ITGA1: variants seen among roughly 807,000 people sequenced by gnomAD.
ITGA1 encodes integrin subunit alpha 1.
Under a neutral mutation model 145.9 loss-of-function variants are expected in ITGA1, and 85 were observed. The observed-to-expected ratio is 0.58, with a 90% CI of 0.49 to 0.70. The LOEUF (loss-of-function observed/expected upper bound fraction) is 0.70, where lower values mean the gene tolerates loss of function less well. ITGA1 is among the 30% of genes least tolerant of loss of function. The pLI, the probability that ITGA1 is intolerant of heterozygous loss-of-function variation, is 0.00. For missense variants in ITGA1, 1,351 were observed against 1,418.7 expected, an observed-to-expected ratio of 0.95 and a Z score of 0.77; for synonymous variants, 520 against 495.3, an observed-to-expected ratio of 1.05 and a Z score of -0.66.
intron 2 of ITGA1, among the ~76,000 whole-genome samples, chr5:52,853,519 G>A (rs372949416): frequency 3.4e-4 from 51 of 152,142 alleles, no homozygotes; most frequent in African/African-American, 1.1e-3. Flanking sequence ...CCCATCTTAC[G>A]TCGTGACTAT....
intron 19 of ITGA1, among the ~76,000 whole-genome samples, chr5:52,925,852 T>G (rs994009611): frequency 6.6e-6 from 1 of 152,086 alleles, no homozygotes; most frequent in African/African-American, 2.4e-5. Context: ...CAAAAAAAAT[T>G]TACCTGCAGG....
At chr5:52,863,241 T>A (rs1177753967) in intron 3 of ITGA1, among the ~76,000 whole-genome samples, 1 of 152,248 alleles carries the variant, frequency 6.6e-6, no homozygotes, top group African/African-American at 2.4e-5. Flanking sequence ...TCAGCTGGGC[T>A]ATTTGAAATA....
chr5:52,791,098 C>T (rs995558419), intron 1 of ITGA1, among the ~76,000 whole-genome samples: 6 of 152,140 alleles, frequency 3.9e-5, no homozygotes, highest in African/African-American at 7.2e-5. Flanking sequence ...CTCCTTACAA[C>T]GTTTACTAAA....
chr5:52,907,557 G>A (rs920446054), intron 12 of ITGA1, among the ~76,000 whole-genome samples: 1 of 152,144 alleles, frequency 6.6e-6, no homozygotes. Context: ...AAAGAAAGGT[G>A]GCTCCATGAT....
chr5:52,911,886 T>G (rs903762462), intron 14 of ITGA1, among the ~76,000 whole-genome samples: 8 of 130,316 alleles, frequency 6.1e-5, no homozygotes, highest in African/African-American at 8.4e-5. Context: ...ATACACTATA[T>G]ATAGCATATC....
intron 1 of ITGA1, chr5:52,825,051 T>C (rs1748938855): frequency 6.6e-6 from 1 of 152,226 alleles, no homozygotes; most frequent in Non-Finnish European, 1.5e-5. Flanking sequence ...CCACTGTCTG[T>C]TTCAGAACTT....
intron 7 of ITGA1, chr5:52,883,005 T>G (rs962596981): frequency 2.6e-5 from 4 of 152,200 alleles, no homozygotes; most frequent in Admixed American, 2.6e-4. Flanking sequence ...TATAATTTCA[T>G]GTACAGCTTT....
At chr5:52,873,041 G>C (rs1199573393) in intron 6 of ITGA1, among the ~76,000 whole-genome samples, 7 of 152,156 alleles carry the variant, frequency 4.6e-5, no homozygotes, top group African/African-American at 1.7e-4. Flanking sequence ...AGATAGTCTA[G>C]GGTTTTATGT....
At chr5:52,912,546 TA>T (rs1750576768) in intron 14 of ITGA1, among the ~76,000 whole-genome samples, 1 of 136,058 alleles carries the variant, frequency 7.3e-6, no homozygotes, top group African/African-American at 2.7e-5. Context: ...AGGTATTATA[TA>T]TAGTGTATCC....
intron 13 of ITGA1, 142 bp downstream of exon 13, chr5:52,909,183 A>G: frequency 1.3e-6 from 1 of 779,572 alleles, no homozygotes; most frequent in Admixed American, 3.0e-5. Flanking sequence ...CCAACCCCTC[A>G]GTTTTGAAAT....
In ITGA1 at chr5:52,860,415, G is replaced by A. The variant is rs551989734; in HGVS notation, c.183-1032G>A. 8.5e-5 allele frequency among the ~76,000 whole-genome samples: 13 copies of A among 152,114 alleles called. No individual in the cohort carries two copies. The South Asian group carries it at 1.0e-3, about 12-fold the overall frequency. ...ACAAAAATTAGTCGGGCGTGGTGGC[G>A]TGCACCTGTAGTCCCAGCTACTTGG... On this transcript the variant is annotated intron_variant, in intron 2 of 28. Transcript: ENST00000282588.
Position 52,953,322 on chromosome 5 carries a change from G to A in ITGA1, c.*871G>A, listed in dbSNP as rs146022960. On this transcript the variant is annotated 3_prime_UTR_variant, in exon 29 of 29. Transcript: ENST00000282588. ...ATGAAATACGACAGCAGAGAAAGAT[G>A]CCACTGAAATGCTGAAATTATCTTT... is the stretch of plus-strand genomic sequence containing the variant. 2.9e-4 allele frequency: 44 copies of A among 152,282 alleles called. No homozygotes were observed. The highest frequency in any genetic ancestry group is 1.0e-3 in the African/African-American group (43 of 41,558). The allele number at this position is 152,282 out of a possible 1,614,324, so 9.4% of individuals were successfully genotyped here.
Position 52,937,523 on chromosome 5 carries a change from T to C in ITGA1, c.3078+9T>C, listed in dbSNP as rs1297658314. 6 of 1,488,154 alleles carry C rather than the reference T, an allele frequency of 4.0e-6. No homozygotes were observed. Among genetic ancestry groups the C allele is most frequent in the African/African-American group, 1.4e-5 (1 of 72,368 alleles). The allele number at this position is 1,488,154 out of a possible 1,614,324, so 92.2% of individuals were successfully genotyped here. On this transcript the variant is annotated intron_variant, in intron 24 of 28. Transcript: ENST00000282588. ...GATTGTCATCTTCTGAGGTAAGTCA[T>C]GTGTGCCTTGGAATTATGTCATTAC...
chr5:52,796,319 C>G (rs1748341013), intron 1 of ITGA1, among the ~76,000 whole-genome samples: 1 of 151,574 alleles, frequency 6.6e-6, no homozygotes. Flanking sequence ...ATACTTTTTT[C>G]CCCTTCTGGA....
At chr5:52,951,872 G>A (rs935772850) in intron 28 of ITGA1, among the ~76,000 whole-genome samples, 2 of 152,160 alleles carry the variant, frequency 1.3e-5, no homozygotes, top group Admixed American at 1.3e-4. Flanking sequence ...AGGGGTCATG[G>A]TGTATTTAAC....
intron 1 of ITGA1, among the ~76,000 whole-genome samples, chr5:52,836,951 C>T (rs372160893): frequency 3.2e-4 from 49 of 152,132 alleles, no homozygotes; most frequent in African/African-American, 1.1e-3. Context: ...TTCAAGCAAA[C>T]GAGAAAATTA....
chr5:52,927,651 G>C lies in ITGA1; in HGVS notation c.2681G>C (p.Arg894Thr), dbSNP rs1750831872. 3 of 1,601,358 alleles carry C rather than the reference G, an allele frequency of 1.9e-6. No homozygotes were observed. The highest frequency in any genetic ancestry group is 2.6e-6 in the Non-Finnish European group (3 of 1,169,046). The change falls in exon 20 of 29, where the codon AGA (arginine) becomes ACA (threonine). Residue 894 changes from arginine to threonine, a missense_variant. By Grantham distance (71) the Arg-to-Thr change is moderately conservative. Transcript: ENST00000282588. ...TGTAAAGTTGGATATCCCTTCCTGA[G>C]AAGAGGAGAGATGGTGAGCAGATCA... is the stretch of plus-strand genomic sequence containing the variant. ...ITCKVGYPFLRRGEMVTFKIL... is the reference protein window; with the variant it reads ...ITCKVGYPFLTRGEMVTFKIL...
At chr5:52,888,299 G>C (rs192626411) in intron 8 of ITGA1, among the ~76,000 whole-genome samples, 1 of 152,084 alleles carries the variant, frequency 6.6e-6, no homozygotes, top group Non-Finnish European at 1.5e-5. Flanking sequence ...AAGAGGAAAA[G>C]AAGAGGAGGA....
chr5:52,826,439 G>A (rs12521238), intron 1 of ITGA1, among the ~76,000 whole-genome samples: 1 of 152,244 alleles, frequency 6.6e-6, no homozygotes, highest in Non-Finnish European at 1.5e-5. Flanking sequence ...AGAAGCTGCA[G>A]CAAGTTATCC....
Sources: gnomAD v4.1 joint callset for allele counts (sites outside exome capture counted in the v4.1 genomes callset) on GRCh38, gnomAD v4.1.1 for gene constraint, MANE v1.5 for transcripts, NCBI Gene and HGNC (gene_info 2026-07-23, HGNC 2026-07-21) for gene names.